KRT25: variants seen among roughly 807,000 people sequenced by gnomAD.
The protein encoded by KRT25 is keratin 25, also known as keratin, type I cytoskeletal 25.
KRT25 carries 37 observed loss-of-function variants against 47.6 expected under a neutral mutation model. That is an observed-to-expected ratio of 0.78 (90% confidence interval 0.60 to 1.02). The LOEUF is 1.02. Among genes scored for constraint, KRT25 ranks in the 50% least tolerant of loss-of-function variants. KRT25 has a pLI of 0.00. For synonymous variants in KRT25, 203 were observed against 210.2 expected (o/e 0.97, Z 0.30); for missense variants, 542 against 550.3 (o/e 0.98, Z 0.15).
Position 40,755,263 on chromosome 17 carries a change from A to G in KRT25, c.9T>C (p.Leu3=). 1 of 1,613,318 alleles carries G rather than the reference A, an allele frequency of 6.2e-7. No homozygotes were observed. MS[L]RLSSASRRSC... Reference sequence around the variant, plus strand: ...ACCTCCTGGATGCACTGGAAAGTCGAAGAGACATGGTATCAGGGCAAACGC... The same window carrying G: ...ACCTCCTGGATGCACTGGAAAGTCGGAGAGACATGGTATCAGGGCAAACGC... Residue 3 remains leucine (L), a synonymous_variant, in exon 1 of 8, where the codon CTT becomes CTC. Coordinates refer to ENST00000312150, the MANE Select transcript of KRT25 (RefSeq NM_181534.4).
Position 40,755,294 on chromosome 17 carries a change from A to T in KRT25, c.-23T>A. ...CATGGTATCAGGGCAAACGCGTTGC[A>T]GAGCTGTATTTGTGAAAGCCAGAAT... On this transcript the variant is annotated 5_prime_UTR_variant, in exon 1 of 8. Transcript: ENST00000312150. The T allele has an allele frequency of 6.3e-7, 1 of 1,596,222 alleles. No individual in the cohort carries two copies. Among genetic ancestry groups the T allele is most frequent in the African/African-American group, 1.3e-5 (1 of 74,474 alleles).
At chr17:40,749,474 T>C (rs2038026801) in intron 6 of KRT25, 149 bp from the exon 7 acceptor site, 4 of 657,562 alleles carry the variant, frequency 6.1e-6, no homozygotes, top group Non-Finnish European at 1.1e-5. Context: ...GAGGTATGAA[T>C]ACCTTCTCCA....
In KRT25 at chr17:40,754,239, A is replaced by G. The variant is rs983423046; in HGVS notation, c.512+147T>C. 4.9e-5 allele frequency: 38 copies of G among 769,544 alleles called. No homozygotes were observed. The Middle Eastern group carries it at 2.9e-3, about 59-fold the overall frequency. 47.7% of individuals were successfully genotyped at this position (769,544 alleles called of 1,614,324 possible). The stretch of plus-strand genomic sequence containing the variant: ...GTTTTAATAGCAGTTCATGCTTTGT[A>G]TTTAATAGTCAAAGCATAAAAAAGT... On this transcript the variant is annotated intron_variant, in intron 2 of 7. Transcript: ENST00000312150.
intron 5 of KRT25, 137 bp downstream of exon 5, chr17:40,750,817 C>T: frequency 2.4e-6 from 3 of 1,272,526 alleles, no homozygotes; most frequent in Non-Finnish European, 3.3e-6. Context: ...GTCAGCTATA[C>T]AATCCTATTC....
intron 5 of KRT25, 132 bp from the exon 6 acceptor site, chr17:40,750,729 C>T: frequency 7.4e-7 from 1 of 1,353,152 alleles, no homozygotes; most frequent in Non-Finnish European, 1.0e-6. Context: ...ATAGTTAAGA[C>T]TCTGTGATAC....
chr17:40,753,063 C>T (rs2038065085), intron 3 of KRT25, among the ~76,000 whole-genome samples: 1 of 152,134 alleles, frequency 6.6e-6, no homozygotes, highest in South Asian at 2.1e-4. Context: ...ATTATTTTTA[C>T]AGCCAGACCT....
Position 40,748,238 on chromosome 17 carries a change from C to T in KRT25, c.*39G>A. 7.5e-7 allele frequency: 1 copy of T among 1,340,618 alleles called. No homozygotes were observed. The highest frequency in any genetic ancestry group is 1.0e-6 in the Non-Finnish European group (1 of 953,906). 83.0% of individuals were successfully genotyped at this position (1,340,618 alleles called of 1,614,324 possible). A position where few individuals can be genotyped will look rare whatever the true frequency, so the allele number is the denominator to read the frequency against. On this transcript the variant is annotated 3_prime_UTR_variant, in exon 8 of 8. Coordinates refer to ENST00000312150, the MANE Select transcript of KRT25 (RefSeq NM_181534.4). The stretch of plus-strand genomic sequence containing the variant: ...ACAGATACATAATGCCTTTTCTTCG[C>T]AGGGGCTATGTGGCATACGTTCTCT...
At chr17:40,751,376 G>A (rs200474753) in intron 3 of KRT25, 50 bp from the exon 4 acceptor site, 3 of 1,542,680 alleles carry the variant, frequency 1.9e-6, no homozygotes, top group Non-Finnish European at 2.6e-6. Flanking sequence ...CTCATGGAAA[G>A]TCTAGAAGCT....
At position 40,748,315 on chromosome 17, in the gene KRT25, T is replaced by C. The variant is rs908664826; in HGVS notation, c.1315A>G (p.Arg439Gly). 1.2e-6 allele frequency: 2 copies of C among 1,612,836 alleles called. No individual in the cohort carries two copies. The highest frequency in any genetic ancestry group is 1.7e-6 in the Non-Finnish European group (2 of 1,179,478). The change falls in exon 8 of 8, where the codon AGG becomes GGG. Residue 439 changes from arginine (R) to glycine (G), a missense_variant. By Grantham distance (125) the Arg-to-Gly change is moderately radical. Transcript: ENST00000312150. ...GATTTCTCTTCCAGGGAGTGGAGCCTGGTGGTAAGTATTTTGCTGCGTTGG... is the reference window on the plus strand; with the variant it reads ...GATTTCTCTTCCAGGGAGTGGAGCCCGGTGGTAAGTATTTTGCTGCGTTGG... ...VDQRSKILTT[R>G]LHSLEEKSQS...
Position 40,754,459 on chromosome 17 carries a change from A to G in KRT25, c.439T>C (p.Ser147Pro), listed in dbSNP as rs1393551675. ...ACAGCATTAGCATTGCTGGTGGTGG[A>G]TGCGATGATCTAGAAATGGGAATTT... ...IDDLKNQIIASTTSNANAVLQ... is the reference protein window; with the variant it reads ...IDDLKNQIIAPTTSNANAVLQ... Residue 147 changes from serine (S) to proline (P), a missense_variant, in exon 2 of 8, where the codon TCC becomes CCC. Ser to Pro is a moderately conservative substitution (Grantham distance 74). Coordinates refer to ENST00000312150, the MANE Select transcript of KRT25 (RefSeq NM_181534.4). 18 of 1,613,712 alleles carry G rather than the reference A, an allele frequency of 1.1e-5. No homozygotes were observed. In the South Asian group the frequency reaches 1.6e-4, roughly 15 times the overall value.
In KRT25 at chr17:40,755,244, T is replaced by C. The variant is rs1354552132; in HGVS notation, c.28A>G (p.Arg10Gly). Residue 10 changes from arginine (R) to glycine (G), a missense_variant, in exon 1 of 8, where the codon AGG becomes GGG. Coordinates refer to ENST00000312150, the MANE Select transcript of KRT25 (RefSeq NM_181534.4). The part of the protein sequence containing the change: MSLRLSSAS[R>G]RSCPRPTTGS... ...GTGGTGGGACGAGGACAGGACCTCC[T>C]GGATGCACTGGAAAGTCGAAGAGAC... 3.1e-6 allele frequency: 5 copies of C among 1,613,858 alleles called. No individual in the cohort carries two copies. Among genetic ancestry groups the C allele is most frequent in the African/African-American group, 1.3e-5 (1 of 75,058 alleles).
Position 40,751,152 on chromosome 17 carries a change from G to T in KRT25, c.831+13C>A, listed in dbSNP as rs2038042884. On this transcript the variant is annotated intron_variant, in intron 4 of 7. Transcript: ENST00000312150. ...GTAACATGCAAAGGGACCGTTTTCT[G>T]GAGGAGAGTCACCTTCTCGTTGAAC... The T allele has an allele frequency of 6.2e-7, 1 of 1,614,072 alleles. No individual in the cohort carries two copies. The highest frequency in any genetic ancestry group is 8.5e-7 in the Non-Finnish European group (1 of 1,179,974).
Position 40,750,422 on chromosome 17 carries a change from T to G in KRT25, c.1133A>C (p.Lys378Thr), listed in dbSNP as rs1194639333. 1 of 1,613,838 alleles carries G rather than the reference T, an allele frequency of 6.2e-7. No homozygotes were observed. Among genetic ancestry groups the G allele is most frequent in the Non-Finnish European group, 8.5e-7 (1 of 1,179,860 alleles). ...AAGGAGACAGTAGGTCTCAATTTCT[T>G]TTTCCAGGTGGAGCTTGATGTCCAG... Reference protein sequence around the residue: ...QLLDIKLHLEKEIETYCLLIG... With the variant: ...QLLDIKLHLETEIETYCLLIG... The change falls in exon 6 of 8, where the codon AAA becomes ACA. Residue 378 changes from lysine (K) to threonine (T), a missense_variant. By Grantham distance (78) the Lys-to-Thr change is moderately conservative (BLOSUM62 -1). Coordinates refer to ENST00000312150, the MANE Select transcript of KRT25 (RefSeq NM_181534.4).
chr17:40,750,737 T>C, intron 5 of KRT25, 140 bp from the exon 6 acceptor site: 1 of 1,339,662 alleles, frequency 7.5e-7, no homozygotes, highest in Non-Finnish European at 1.0e-6. Flanking sequence ...GACTCTGTGA[T>C]ACTGCTTGAA....
Position 40,754,955 on chromosome 17 carries a change from T to A in KRT25, c.317A>T (p.Asp106Val). The A allele has an allele frequency of 6.2e-7, 1 of 1,614,112 alleles. No individual in the cohort carries two copies. The highest frequency in any genetic ancestry group is 1.1e-5 in the South Asian group (1 of 91,082). Residue 106 changes from aspartate (D) to valine (V), a missense_variant, in exon 1 of 8, where the codon GAC becomes GTC. Coordinates refer to ENST00000312150, the MANE Select transcript of KRT25 (RefSeq NM_181534.4). ...CCAGCCCTTGATCTTCTGCTCCAGGTCAGCGTTGGCCTCCTCCAGAGCATG... is the reference window on the plus strand; with the variant it reads ...CCAGCCCTTGATCTTCTGCTCCAGGACAGCGTTGGCCTCCTCCAGAGCATG... ...SVHALEEANA[D>V]LEQKIKGWYE... is the part of the protein sequence containing the mutation.
In KRT25 at chr17:40,748,257, G is replaced by C. The variant is rs373082769; in HGVS notation, c.*20C>G. 1 of 1,521,336 alleles carries C rather than the reference G, an allele frequency of 6.6e-7. No homozygotes were observed. The highest frequency in any genetic ancestry group is 9.1e-7 in the Non-Finnish European group (1 of 1,100,244). The allele number at this position is 1,521,336 out of a possible 1,614,324, so 94.2% of individuals were successfully genotyped here. A position where few individuals can be genotyped will look rare whatever the true frequency, so the allele number is the denominator to read the frequency against. ...TCTTCGCAGGGGCTATGTGGCATAC[G>C]TTCTCTGTTGCATCTCAAATTAATT... On this transcript the variant is annotated 3_prime_UTR_variant, in exon 8 of 8. Coordinates refer to ENST00000312150, the MANE Select transcript of KRT25 (RefSeq NM_181534.4).
At chr17:40,752,029 G>A (rs2038055220) in intron 3 of KRT25, among the ~76,000 whole-genome samples, 1 of 151,908 alleles carries the variant, frequency 6.6e-6, no homozygotes, top group South Asian at 2.1e-4. Context: ...CTGAATTTTG[G>A]TTCTGCCCTA....
At chr17:40,750,649 A>G (rs146869571) in intron 5 of KRT25, 52 bp from the exon 6 acceptor site, 10 of 1,602,310 alleles carry the variant, frequency 6.2e-6, no homozygotes, top group Middle Eastern at 3.3e-4. Context: ...ATATGCAGGG[A>G]TTTCTTTGAT....
chr17:40,752,969 T>C (rs2144127452), intron 3 of KRT25, among the ~76,000 whole-genome samples: 1 of 152,302 alleles, frequency 6.6e-6, no homozygotes, highest in African/African-American at 2.4e-5. Flanking sequence ...CAATATAAAA[T>C]TTGGAACTTA....
Sources: gnomAD v4.1 joint callset for allele counts (sites outside exome capture counted in the v4.1 genomes callset) on GRCh38, gnomAD v4.1.1 for gene constraint, MANE v1.5 for transcripts, NCBI Gene and HGNC (gene_info 2026-07-23, HGNC 2026-07-21) for gene names.